The following STAMBPL1 variants were observed in gnomAD, a reference collection of about 807,000 sequenced individuals.
STAMBPL1 encodes the protein AMSH-like protease.
Under a neutral mutation model 52.9 loss-of-function variants are expected in STAMBPL1, and 44 were observed. The observed-to-expected ratio is 0.83, with a 90% confidence interval of 0.65 to 1.07. STAMBPL1 has a LOEUF of 1.07. STAMBPL1 is among the 50% of genes least tolerant of loss of function. The pLI, the probability that STAMBPL1 is intolerant of heterozygous loss-of-function variation, is 0.00. For missense variants in STAMBPL1, 511 were observed against 520.8 expected (o/e 0.98, Z 0.18); for synonymous variants, 164 against 177.3 (o/e 0.92, Z 0.60).
At chr10:88,906,267 G>A (rs375166263) in intron 3 of STAMBPL1, among the ~76,000 whole-genome samples, 296 of 152,284 alleles carry the variant, frequency 1.9e-3, no homozygotes, top group African/African-American at 5.3e-3. Flanking sequence ...CATCAAAACA[G>A]CCATGTCAGA....
At chr10:88,892,362 G>A (rs1303453093) in intron 1 of STAMBPL1, among the ~76,000 whole-genome samples, 7 of 151,896 alleles carry the variant, frequency 4.6e-5, no homozygotes, top group Admixed American at 4.6e-4. Context: ...GCGTGTGTGT[G>A]TGTGTGTGTG....
Position 88,923,470 on chromosome 10 carries a change from A to G in STAMBPL1, c.*246A>G. 8.2e-7 allele frequency: 1 copy of G among 1,212,422 alleles called. No homozygotes were observed. The highest frequency in any genetic ancestry group is 1.6e-5 in the African/African-American group (1 of 63,556). The allele number at this position is 1,212,422 out of a possible 1,614,324, so 75.1% of individuals were successfully genotyped here. Reference sequence around the variant, plus strand: ...TACCCAAATACTATGGCCAGATAATAAATTGTGCTGCAAACAACATGTCTT... The same window carrying G: ...TACCCAAATACTATGGCCAGATAATGAATTGTGCTGCAAACAACATGTCTT... On this transcript the variant is annotated 3_prime_UTR_variant, in exon 11 of 11. Coordinates refer to ENST00000371926, the MANE Select transcript of STAMBPL1 (RefSeq NM_020799.4).
At chr10:88,885,860 A>G (rs1326749915) in intron 1 of STAMBPL1, among the ~76,000 whole-genome samples, 2 of 152,252 alleles carry the variant, frequency 1.3e-5, no homozygotes, top group East Asian at 1.9e-4. Flanking sequence ...GGAATCTGCC[A>G]TCACTGATTC....
At chr10:88,915,460 G>A (rs1283180702) in intron 7 of STAMBPL1, among the ~76,000 whole-genome samples, 1 of 152,158 alleles carries the variant, frequency 6.6e-6, no homozygotes, top group Non-Finnish European at 1.5e-5. Flanking sequence ...GCCATTGGTG[G>A]CAGCACAGGA....
chr10:88,921,974 A>G (rs554908025), intron 9 of STAMBPL1, among the ~76,000 whole-genome samples: 1 of 152,336 alleles, frequency 6.6e-6, no homozygotes, highest in South Asian at 2.1e-4. Context: ...TACTCAATAC[A>G]TATTTGCTAT....
chr10:88,884,665 A>G (rs1156939734), intron 1 of STAMBPL1, among the ~76,000 whole-genome samples: 2 of 152,234 alleles, frequency 1.3e-5, no homozygotes, highest in African/African-American at 4.8e-5. Context: ...CCAGTGGATT[A>G]CAGCATTCTT....
intron 1 of STAMBPL1, among the ~76,000 whole-genome samples, chr10:88,894,233 C>G (rs1032235840): frequency 5.3e-5 from 8 of 152,058 alleles, no homozygotes; most frequent in African/African-American, 1.9e-4. Context: ...ATGTTCTAAC[C>G]CTGGAGACTG....
In STAMBPL1 at chr10:88,914,588, A is replaced by G. The variant is rs373894376; in HGVS notation, c.833A>G (p.Lys278Arg). Reference sequence around the variant, plus strand: ...GTTTTGCCAGAAGATCTTTGCCACAAATTTCTGCAACTGGCAGAATCTAAT... The same window carrying G: ...GTTTTGCCAGAAGATCTTTGCCACAGATTTCTGCAACTGGCAGAATCTAAT... Reference protein sequence around the residue: ...CVVLPEDLCHKFLQLAESNTV... With the variant: ...CVVLPEDLCHRFLQLAESNTV... Residue 278 changes from lysine (K) to arginine (R), a missense_variant, in exon 7 of 11, where the codon AAA (lysine) becomes AGA (arginine). Physicochemically the swap from Lys to Arg is conservative, Grantham distance 26. This residue lies in a region of STAMBPL1 where 358 missense variants were observed against 343.5 expected (regional missense o/e 1.04). Coordinates refer to ENST00000371926, the MANE Select transcript of STAMBPL1 (RefSeq NM_020799.4). The G allele has an allele frequency of 2.2e-4, 344 of 1,540,044 alleles. No homozygotes were observed. The highest frequency in any genetic ancestry group is 2.8e-4 in the Non-Finnish European group (324 of 1,141,126).
chr10:88,881,409 A>C (rs189273820), intron 1 of STAMBPL1, among the ~76,000 whole-genome samples: 2 of 152,094 alleles, frequency 1.3e-5, no homozygotes, highest in African/African-American at 4.8e-5. Context: ...GTGCCTGGGA[A>C]GTGGGGTGGG....
chr10:88,896,874 A>G (rs548101092), intron 1 of STAMBPL1, among the ~76,000 whole-genome samples: 18 of 152,084 alleles, frequency 1.2e-4, no homozygotes, highest in Non-Finnish European at 2.1e-4. Flanking sequence ...ACACACACAC[A>G]CTATTTTAAG....
intron 3 of STAMBPL1, among the ~76,000 whole-genome samples, chr10:88,908,102 A>C (rs976136923): frequency 5.9e-5 from 9 of 152,184 alleles, no homozygotes; most frequent in Non-Finnish European, 1.2e-4. Flanking sequence ...TTTACCTGGA[A>C]GCGATGCACC....
At chr10:88,913,576 A>G (rs1015954716) in intron 6 of STAMBPL1, 118 bp downstream of exon 6, 12 of 819,742 alleles carry the variant, frequency 1.5e-5, no homozygotes, top group Middle Eastern at 5.1e-4. Context: ...ACCCCTGCAT[A>G]ATATGGTATG....
chr10:88,903,621 A>T (rs962517415), intron 2 of STAMBPL1, among the ~76,000 whole-genome samples: 10 of 152,182 alleles, frequency 6.6e-5, no homozygotes, highest in African/African-American at 2.4e-4. Flanking sequence ...CATTTTTCTG[A>T]TGTCATTGAA....
chr10:88,921,377 G>A lies in STAMBPL1; in HGVS notation c.1136G>A (p.Cys379Tyr), dbSNP rs778947372. The change falls in exon 9 of 11, where the codon TGC becomes TAC. Residue 379 changes from cysteine (C) to tyrosine (Y), a missense_variant. Physicochemically the swap from Cys to Tyr is radical, Grantham distance 194. This residue lies in a region of STAMBPL1 where 137 missense variants were observed against 139.9 expected (regional missense o/e 0.98). Transcript: ENST00000371926. ...TTGCCAGAGGCCATTGCCATTGTTT[G>A]CTCACCAAAGCATAAAGAGTAAGTG... Reference protein sequence around the residue: ...LMLPEAIAIVCSPKHKDTGIF... With the variant: ...LMLPEAIAIVYSPKHKDTGIF... 10 of 1,612,888 alleles carry A rather than the reference G, an allele frequency of 6.2e-6. No individual in the cohort carries two copies. In the South Asian group the frequency reaches 1.1e-4, roughly 18 times the overall value.
At chr10:88,907,144 G>A (rs1387214536) in intron 3 of STAMBPL1, among the ~76,000 whole-genome samples, 3 of 152,092 alleles carry the variant, frequency 2.0e-5, no homozygotes, top group East Asian at 3.8e-4. Flanking sequence ...TCTGTGCCTG[G>A]CTTATTTCAC....
intron 4 of STAMBPL1, among the ~76,000 whole-genome samples, chr10:88,909,201 T>A (rs942436383): frequency 6.6e-6 from 1 of 152,196 alleles, no homozygotes; most frequent in African/African-American, 2.4e-5. Context: ...TTACATCTTA[T>A]AGGACTGGAA....
intron 5 of STAMBPL1, 134 bp downstream of exon 5, chr10:88,911,145 C>A: frequency 1.9e-6 from 1 of 532,216 alleles, no homozygotes; most frequent in Non-Finnish European, 3.1e-6. Context: ...GATATGGAAC[C>A]AATAAAAAAT....
chr10:88,920,867 A>G (rs910187935), intron 8 of STAMBPL1, among the ~76,000 whole-genome samples: 1 of 152,156 alleles, frequency 6.6e-6, no homozygotes, highest in African/African-American at 2.4e-5. Flanking sequence ...AGGGTTTCCA[A>G]TCACAGCTCT....
chr10:88,923,285 G>T lies in STAMBPL1; in HGVS notation c.*61G>T. The T allele has an allele frequency of 6.6e-7, 1 of 1,515,582 alleles. No homozygotes were observed. The allele number at this position is 1,515,582 out of a possible 1,614,324, so 93.9% of individuals were successfully genotyped here. On this transcript the variant is annotated 3_prime_UTR_variant, in exon 11 of 11. Coordinates refer to ENST00000371926, the MANE Select transcript of STAMBPL1 (RefSeq NM_020799.4). ...CCTACTCATGGACATGTGGTTGCCG[G>T]ATTTTCTTAAGATGTTTCCAGAAAT...
Sources: gnomAD v4.1 joint callset for allele counts (sites outside exome capture counted in the v4.1 genomes callset) on GRCh38, gnomAD v4.1.1 for gene constraint, gnomAD v4.1.1 regional missense constraint, MANE v1.5 for transcripts, NCBI Gene and HGNC (gene_info 2026-07-23, HGNC 2026-07-21) for gene names.